Variants in ANKRD18B observed in about 807,000 individuals in gnomAD.
ANKRD18B encodes ankyrin repeat domain-containing protein 18B.
In ANKRD18B, 75 loss-of-function variants were observed where a neutral mutation model predicts 111.8. The ratio of observed to expected loss-of-function variants is 0.67; its 90% CI spans 0.56 to 0.81. The LOEUF (loss-of-function observed/expected upper bound fraction) is 0.81. ANKRD18B is among the 40% of genes least tolerant of loss of function. The pLI is 0.00. For missense variants in ANKRD18B, 1,038 were observed against 1,225.5 expected, an observed-to-expected ratio of 0.85 and a Z score of 2.28; for synonymous variants, 356 against 417.3, an observed-to-expected ratio of 0.85 and a Z score of 1.79.
intron 6 of ANKRD18B, among the ~76,000 whole-genome samples, chr9:33,537,511 A>T (rs2118012305): frequency 6.6e-6 from 1 of 152,278 alleles, no homozygotes; most frequent in South Asian, 2.1e-4. Context: ...TTTTTGTATT[A>T]ATATAAATAA....
intron 1 of ANKRD18B, among the ~76,000 whole-genome samples, chr9:33,525,189 GT>G (rs1341154177): frequency 4.0e-4 from 61 of 151,678 alleles, no homozygotes; most frequent in Non-Finnish European, 1.0e-4. Context: ...AAATATCAAG[GT>G]TTTATCATTT....
intron 13 of ANKRD18B, among the ~76,000 whole-genome samples, chr9:33,556,608 A>G (rs1455909354): frequency 6.6e-6 from 1 of 152,206 alleles, no homozygotes; most frequent in Non-Finnish European, 1.5e-5. Flanking sequence ...ATGTAATGTC[A>G]AGCGCACTTT....
downstream of ANKRD18B, among the ~76,000 whole-genome samples, chr9:33,573,467 A>G (rs1376858733): frequency 1.4e-5 from 2 of 144,796 alleles, no homozygotes; most frequent in African/African-American, 4.9e-5. Context: ...TGTCTGCCAA[A>G]TGTCCCTCCC....
Position 33,572,534 on chromosome 9 carries a change from A to G in ANKRD18B, c.*100A>G, listed in dbSNP as rs1828796446. On this transcript the variant is annotated 3_prime_UTR_variant, in exon 19 of 19. Coordinates refer to ENST00000684830, the MANE Select transcript of ANKRD18B (RefSeq NM_001393611.1). Reference sequence around the variant, plus strand: ...ATCTTTACTAAAGTAGAATATTTTCATATCATATGATGTATATTTATATGT... The same window carrying G: ...ATCTTTACTAAAGTAGAATATTTTCGTATCATATGATGTATATTTATATGT... 7.3e-7 allele frequency: 1 copy of G among 1,365,338 alleles called. No homozygotes were observed. The highest frequency in any genetic ancestry group is 9.5e-7 in the Non-Finnish European group (1 of 1,049,086). The allele number at this position is 1,365,338 out of a possible 1,614,324, so 84.6% of individuals were successfully genotyped here.
At position 33,571,244 on chromosome 9, in the gene ANKRD18B, A is replaced by G; in HGVS notation, c.3178-2A>G. ...TATTATTTTTTTTTTTACTTATTTT[A>G]GATGGAGCTGGACTGTGCAGAACAA... is the stretch of plus-strand genomic sequence containing the variant. On this transcript the variant is annotated splice_acceptor_variant, in intron 17 of 18. Transcript: ENST00000684830. LOFTEE classifies it high-confidence loss of function. 9.5e-7 allele frequency: 1 copy of G among 1,055,270 alleles called. No homozygotes were observed. The highest frequency in any genetic ancestry group is 1.2e-6 in the Non-Finnish European group (1 of 849,898). 65.4% of individuals were successfully genotyped at this position (1,055,270 alleles called of 1,614,324 possible).
chr9:33,524,388 TG>T lies in ANKRD18B; in HGVS notation c.-98del. ...TTGGATTTAGGGGTGGATCGCTGGG[TG>T]GGGAGGGGGATCTCGAATTTGGAGC... is the stretch of plus-strand genomic sequence containing the variant. On this transcript the variant is annotated 5_prime_UTR_variant, in exon 1 of 19. Transcript: ENST00000684830. 1 of 1,165,864 alleles carries T rather than the reference TG, an allele frequency of 8.6e-7. No homozygotes were observed. Among genetic ancestry groups the T allele is most frequent in the Non-Finnish European group, 1.1e-6 (1 of 899,924 alleles). 72.2% of individuals were successfully genotyped at this position (1,165,864 alleles called of 1,614,324 possible). A position where few individuals can be genotyped will look rare whatever the true frequency, so the allele number is the denominator to read the frequency against.
rs538191153 is a variant in ANKRD18B at position 33,559,165 on chromosome 9, G to T, written c.2460+978G>T. 2.0e-5 allele frequency among the ~76,000 whole-genome samples: 3 copies of T among 152,292 alleles called. No individual in the cohort carries two copies. The South Asian group carries it at 6.2e-4, about 32-fold the overall frequency. ...GAAGCCTCCTAGCTGGCAGTCCTCA[G>T]AGAAAATAGAGGGTAAATATATCTT... On this transcript the variant is annotated intron_variant, in intron 14 of 18. Coordinates refer to ENST00000684830, the MANE Select transcript of ANKRD18B (RefSeq NM_001393611.1).
In ANKRD18B at chr9:33,534,511, T is replaced by C. The variant is rs1465610619; in HGVS notation, c.740+4T>C. The C allele has an allele frequency of 3.3e-6, 5 of 1,525,972 alleles. No individual in the cohort carries two copies. The Admixed American group carries it at 1.1e-4, about 35-fold the overall frequency. The allele number at this position is 1,525,972 out of a possible 1,614,324, so 94.5% of individuals were successfully genotyped here. ...CTTTTTGTTGTGATTTGAGAAGGTA[T>C]GTGCTTATATTAAAAGACCGGTTAA... On this transcript the variant is annotated splice_donor_region_variant and intron_variant, in intron 5 of 18. Coordinates refer to ENST00000684830, the MANE Select transcript of ANKRD18B (RefSeq NM_001393611.1).
At chr9:33,541,342 G>A (rs528410591) in intron 9 of ANKRD18B, 115 bp downstream of exon 9, 11 of 1,396,352 alleles carry the variant, frequency 7.9e-6, no homozygotes, top group South Asian at 1.6e-5. Context: ...GAGTACATCA[G>A]TCTATTACAA....
intron 12 of ANKRD18B, among the ~76,000 whole-genome samples, chr9:33,554,781 A>G (rs1407995384): frequency 2.0e-5 from 3 of 152,172 alleles, no homozygotes; most frequent in Non-Finnish European, 2.9e-5. Flanking sequence ...TGGGCCCAGA[A>G]CAAAGACAGC....
chr9:33,533,634 T>C, intron 4 of ANKRD18B, 89 bp downstream of exon 4: 5 of 1,448,084 alleles, frequency 3.5e-6, no homozygotes, highest in Non-Finnish European at 4.5e-6. Flanking sequence ...GAAATGTTAA[T>C]AAGATTAAAC....
chr9:33,570,477 A>G (rs1049767207), intron 17 of ANKRD18B, among the ~76,000 whole-genome samples: 1 of 151,858 alleles, frequency 6.6e-6, no homozygotes, highest in Non-Finnish European at 1.5e-5. Flanking sequence ...AGAAAACTTT[A>G]CTATACATAT....
intron 1 of ANKRD18B, among the ~76,000 whole-genome samples, chr9:33,525,902 A>C (rs1487286062): frequency 1.3e-5 from 2 of 151,454 alleles, no homozygotes; most frequent in Non-Finnish European, 2.9e-5. Context: ...TCAGTTATAC[A>C]TATATACAGA....
At chr9:33,532,703 A>G (rs1828135354) in intron 3 of ANKRD18B, among the ~76,000 whole-genome samples, 1 of 152,232 alleles carries the variant, frequency 6.6e-6, no homozygotes, top group Non-Finnish European at 1.5e-5. Flanking sequence ...AGTGCCTGAC[A>G]TTGGCATCCT....
At chr9:33,562,958 A>G (rs182760468) in intron 14 of ANKRD18B, among the ~76,000 whole-genome samples, 90 of 152,302 alleles carry the variant, frequency 5.9e-4, no homozygotes, top group African/African-American at 2.1e-3. Flanking sequence ...TTGTTTTTCA[A>G]ATCATATGTC....
At chr9:33,559,751 A>G (rs763839081) in intron 14 of ANKRD18B, among the ~76,000 whole-genome samples, 9 of 152,202 alleles carry the variant, frequency 5.9e-5, no homozygotes, top group Non-Finnish European at 8.8e-5. Context: ...GAAGCAGCCC[A>G]TGTCTCCAGA....
At position 33,567,097 on chromosome 9, in the gene ANKRD18B, T is replaced by G; in HGVS notation, c.2743-6T>G. ...TTTAAAAGTGTATTCTTTTCATTTG[T>G]TTTAGAAACAAGCAGAATATGAAAA... On this transcript the variant is annotated splice_region_variant and splice_polypyrimidine_tract_variant and intron_variant, in intron 15 of 18. Transcript: ENST00000684830. 6.6e-7 allele frequency: 1 copy of G among 1,518,918 alleles called. No homozygotes were observed. 94.1% of individuals were successfully genotyped at this position (1,518,918 alleles called of 1,614,324 possible).
At chr9:33,558,847 A>G (rs1470037928) in intron 14 of ANKRD18B, among the ~76,000 whole-genome samples, 1 of 152,072 alleles carries the variant, frequency 6.6e-6, no homozygotes, top group Non-Finnish European at 1.5e-5. Flanking sequence ...ACCCAATCTC[A>G]AGAGCTCTTG....
chr9:33,548,158 A>G lies in ANKRD18B; in HGVS notation c.1370A>G (p.Gln457Arg), dbSNP rs1188372846. Residue 457 changes from glutamine to arginine, a missense_variant, in exon 11 of 19, where the codon CAG becomes CGG. Physicochemically the swap from Gln to Arg is conservative, Grantham distance 43. Coordinates refer to ENST00000684830, the MANE Select transcript of ANKRD18B (RefSeq NM_001393611.1). Reference protein sequence around the residue: ...NEEMITKKVAQYSQQLNDLKA... With the variant: ...NEEMITKKVARYSQQLNDLKA... The stretch of plus-strand genomic sequence containing the variant: ...GAAATGATAACAAAAAAAGTGGCCC[A>G]GTATTCGCAACAGCTTAATGATCTG... 4 of 1,538,670 alleles carry G rather than the reference A, an allele frequency of 2.6e-6. No homozygotes were observed. Among genetic ancestry groups the G allele is most frequent in the East Asian group, 4.9e-5 (2 of 40,812 alleles).
Sources: allele counts gnomAD v4.1 joint callset (sites outside exome capture counted in the v4.1 genomes callset), GRCh38; gene constraint gnomAD v4.1.1; transcripts MANE v1.5; gene names NCBI Gene and HGNC (gene_info 2026-07-23, HGNC 2026-07-21).